Variants in BNC2 observed in about 807,000 individuals in gnomAD.
BNC2 encodes zinc finger protein basonuclin-2.
In BNC2, 20 loss-of-function variants were observed where a neutral mutation model predicts 76.3. The ratio of observed to expected loss-of-function variants is 0.26; its 90% CI spans 0.18 to 0.38. The LOEUF (loss-of-function observed/expected upper bound fraction) is 0.38. BNC2 is among the 10% of genes least tolerant of loss of function. The pLI is 1.00. For synonymous variants in BNC2, 582 were observed against 514.8 expected (o/e 1.13, Z -1.77); for missense variants, 1,382 against 1,399.8 (o/e 0.99, Z 0.20).
intron 3 of BNC2, among the ~76,000 whole-genome samples, chr9:16,720,645 A>C (rs1824128848): frequency 6.6e-6 from 1 of 152,214 alleles, no homozygotes; most frequent in African/African-American, 2.4e-5. Flanking sequence ...TGATGGGCTT[A>C]ATTAAAGAAA....
chr9:16,430,562 C>G (rs145181030), intron 6 of BNC2, among the ~76,000 whole-genome samples: 1 of 152,272 alleles, frequency 6.6e-6, no homozygotes, highest in East Asian at 1.9e-4. Flanking sequence ...AAGGTGGTAA[C>G]AGGAGGCAGG....
At position 16,490,435 on chromosome 9, in the gene BNC2, T is replaced by C. The variant is rs145448748; in HGVS notation, c.670-52911A>G. Among the ~76,000 whole-genome samples the C allele has an allele frequency of 4.9e-4, 74 of 152,292 alleles. 1 individual carries two copies. In the East Asian group the frequency reaches 7.9e-3, roughly 16 times the overall value. On this transcript the variant is annotated intron_variant, in intron 5 of 6. Transcript: ENST00000380672. Reference sequence around the variant, plus strand: ...CACAACACGTGGGAATTCTGGGAGATACAATTCAAGTTGAGATTTAGGTGG... The same window carrying C: ...CACAACACGTGGGAATTCTGGGAGACACAATTCAAGTTGAGATTTAGGTGG...
intron 1 of BNC2, among the ~76,000 whole-genome samples, chr9:16,761,410 C>T (rs974141927): frequency 6.6e-6 from 1 of 152,172 alleles, no homozygotes; most frequent in African/African-American, 2.4e-5. Flanking sequence ...AGCAAACATA[C>T]GTCTCTGATT....
rs377162462 is a variant in BNC2 at position 16,497,978 on chromosome 9, G to GGGGT, written c.669+54551_669+54552insACCC. Among the ~76,000 whole-genome samples the GGGGT allele has an allele frequency of 1.9e-4, 25 of 134,870 alleles. No homozygotes were observed. The East Asian group carries it at 5.2e-3, about 28-fold the overall frequency. 88.5% of individuals were successfully genotyped at this position (134,870 alleles called of 152,430 possible). On this transcript the variant is annotated intron_variant, in intron 5 of 6. Transcript: ENST00000380672. Reference sequence around the variant, plus strand: ...ATCAATGAGTGGATAAAGAAACTGTGGTGTGTGTGTGTGTGTGTGTGTGTG... The same window carrying GGGGT: ...ATCAATGAGTGGATAAAGAAACTGTGGGGTGTGTGTGTGTGTGTGTGTGTGTGTG...
chr9:16,624,852 CAT>C (rs1820950687), intron 3 of BNC2, among the ~76,000 whole-genome samples: 3 of 152,104 alleles, frequency 2.0e-5, no homozygotes, highest in South Asian at 4.1e-4. Context: ...AGAATGCACA[CAT>C]GATAGTTTTT....
intron 1 of BNC2, among the ~76,000 whole-genome samples, chr9:16,868,465 TATTAACATTTTCCTA>T (rs1218179145): frequency 1.3e-5 from 2 of 152,246 alleles, no homozygotes; most frequent in South Asian, 2.1e-4. Flanking sequence ...AATGTACTGC[TATTAACATTTTCCTA>T]ATATTAATTG....
chr9:16,716,733 AC>A (rs1321377488), intron 3 of BNC2, among the ~76,000 whole-genome samples: 1 of 152,194 alleles, frequency 6.6e-6, no homozygotes, highest in Middle Eastern at 3.2e-3. Context: ...ATTTGGATCA[AC>A]TATACTATAG....
At chr9:16,710,353 T>C (rs536289222) in intron 3 of BNC2, among the ~76,000 whole-genome samples, 33 of 152,280 alleles carry the variant, frequency 2.2e-4, no homozygotes, top group South Asian at 1.0e-3. Flanking sequence ...ATATTAGAGA[T>C]TGAAATTATA....
chr9:16,731,216 A>G (rs1218435058), intron 2 of BNC2, among the ~76,000 whole-genome samples: 2 of 152,226 alleles, frequency 1.3e-5, no homozygotes, highest in Non-Finnish European at 2.9e-5. Context: ...ATTTATATGA[A>G]AATTATTTAA....
At chr9:16,542,180 T>C (rs1818342022) in intron 5 of BNC2, among the ~76,000 whole-genome samples, 1 of 152,102 alleles carries the variant, frequency 6.6e-6, no homozygotes, top group Non-Finnish European at 1.5e-5. Context: ...GAACCTTTGG[T>C]TCTCAAAGTC....
intron 3 of BNC2, among the ~76,000 whole-genome samples, chr9:16,723,949 T>C (rs1824241267): frequency 6.6e-6 from 1 of 152,126 alleles, no homozygotes; most frequent in Non-Finnish European, 1.5e-5. Flanking sequence ...AGTTGTTCTT[T>C]AATAAGACAC....
intron 1 of BNC2, among the ~76,000 whole-genome samples, chr9:16,850,114 C>A (rs530338770): frequency 6.6e-6 from 1 of 152,312 alleles, no homozygotes; most frequent in South Asian, 2.1e-4. Context: ...TATCATGAAG[C>A]ACTCATGCAG....
chr9:16,655,431 C>G (rs944957145), intron 3 of BNC2, among the ~76,000 whole-genome samples: 1 of 152,118 alleles, frequency 6.6e-6, no homozygotes, highest in African/African-American at 2.4e-5. Flanking sequence ...AGGTAACTAT[C>G]TTGGAAATCT....
At chr9:16,610,211 C>A (rs551466095) in intron 3 of BNC2, among the ~76,000 whole-genome samples, 3 of 152,130 alleles carry the variant, frequency 2.0e-5, no homozygotes, top group Non-Finnish European at 2.9e-5. Context: ...CCTAATAACG[C>A]AACTGAAGGA....
intron 1 of BNC2, among the ~76,000 whole-genome samples, chr9:16,800,004 CACCT>C (rs1260916904): frequency 6.6e-6 from 1 of 151,952 alleles, no homozygotes; most frequent in African/African-American, 2.4e-5. Flanking sequence ...GTGGGCAGAT[CACCT>C]GAGATCAGGA....
intron 5 of BNC2, among the ~76,000 whole-genome samples, chr9:16,448,702 T>A (rs900516542): frequency 1.3e-4 from 20 of 152,122 alleles, no homozygotes; most frequent in African/African-American, 4.6e-4. Flanking sequence ...AACAGAAAGA[T>A]GTATTAGGAG....
intron 1 of BNC2, among the ~76,000 whole-genome samples, chr9:16,850,959 G>A (rs1449605762): frequency 6.6e-6 from 1 of 152,058 alleles, no homozygotes; most frequent in Non-Finnish European, 1.5e-5. Context: ...GACACAGGCT[G>A]TCTGAAATCA....
At chr9:16,689,163 CAAAAA>C (rs58620248) in intron 3 of BNC2, among the ~76,000 whole-genome samples, 1 of 50,504 alleles carries the variant, frequency 2.0e-5, no homozygotes, top group African/African-American at 6.3e-5. Flanking sequence ...ACTGAGATCA[CAAAAA>C]AAAAAAAAAA....
intron 3 of BNC2, among the ~76,000 whole-genome samples, chr9:16,707,303 G>A (rs1053214680): frequency 2.6e-5 from 4 of 151,980 alleles, no homozygotes; most frequent in African/African-American, 9.7e-5. Context: ...TGTTACTAGT[G>A]TGAAGTTACT....
Sources: allele counts gnomAD v4.1 joint callset (sites outside exome capture counted in the v4.1 genomes callset), GRCh38; gene constraint gnomAD v4.1.1; transcripts MANE v1.5; gene names NCBI Gene and HGNC (gene_info 2026-07-23, HGNC 2026-07-21).